MTO1: variants seen among roughly 807,000 people sequenced by gnomAD.
MTO1 encodes the protein mitochondrial tRNA translation optimization 1, also known as 5-taurinomethyluridine-[tRNA] synthase subunit MTO1, mitochondrial.
A neutral mutation model predicts 71.6 loss-of-function variants in MTO1; 46 were observed. That is an observed-to-expected ratio of 0.64 (90% CI 0.51 to 0.82). MTO1 has a LOEUF of 0.82. MTO1 is among the 40% of genes least tolerant of loss of function. The pLI is 0.00. For missense variants in MTO1, 773 were observed against 867.5 expected (o/e 0.89, Z 1.37); for synonymous variants, 297 against 312.1 (o/e 0.95, Z 0.51).
At chr6:73,467,305 C>A (rs60469374) in intron 3 of MTO1, among the ~76,000 whole-genome samples, 1 of 149,810 alleles carries the variant, frequency 6.7e-6, no homozygotes, top group South Asian at 2.1e-4. Flanking sequence ...CAGAGTGAGA[C>A]CCTGTGTCAA....
intron 10 of MTO1, among the ~76,000 whole-genome samples, chr6:73,494,478 T>C (rs923182078): frequency 1.8e-4 from 27 of 146,898 alleles, no homozygotes; most frequent in African/African-American, 6.9e-4. Context: ...TCTTTTTTTT[T>C]CTTTTTTTTT....
chr6:73,465,388 T>A (rs1441183606), intron 1 of MTO1, among the ~76,000 whole-genome samples: 1 of 152,048 alleles, frequency 6.6e-6, no homozygotes, highest in African/African-American at 2.4e-5. Context: ...GGTCTCAAAC[T>A]TCTGAGCTCC....
intron 4 of MTO1, among the ~76,000 whole-genome samples, chr6:73,475,763 C>T (rs1771296487): frequency 1.3e-5 from 2 of 152,004 alleles, no homozygotes; most frequent in African/African-American, 2.4e-5. Context: ...CCGCCCGCCT[C>T]GGCCTCCCAA....
At chr6:73,482,356 C>T in intron 8 of MTO1, 93 bp from the exon 9 acceptor site, 1 of 1,539,304 alleles carries the variant, frequency 6.5e-7, no homozygotes, top group South Asian at 1.2e-5. Flanking sequence ...GAGTTTAGGA[C>T]TAGCCTGGGC....
intron 9 of MTO1, among the ~76,000 whole-genome samples, chr6:73,483,694 C>T (rs909430061): frequency 2.6e-5 from 4 of 151,738 alleles, no homozygotes; most frequent in South Asian, 2.1e-4. Context: ...CTCGGCTCAT[C>T]GCAACCTCCC....
intron 9 of MTO1, among the ~76,000 whole-genome samples, chr6:73,487,094 C>T (rs1376155179): frequency 6.6e-6 from 1 of 152,018 alleles, no homozygotes; most frequent in Non-Finnish European, 1.5e-5. Context: ...TGTTGATGGA[C>T]ACTTGAGTTG....
At chr6:73,462,753 A>T (rs116201235) in intron 1 of MTO1, among the ~76,000 whole-genome samples, 2,142 of 152,250 alleles carry the variant, frequency 0.014, 39 homozygotes, top group African/African-American at 0.048. Context: ...TTAATAAAAT[A>T]AAAAAATCCT....
chr6:73,466,011 T>A (rs1347658854), intron 1 of MTO1, among the ~76,000 whole-genome samples, 198 bp from the exon 2 acceptor site: 1 of 152,050 alleles, frequency 6.6e-6, no homozygotes, highest in Non-Finnish European at 1.5e-5. Context: ...GTTCAGGAAG[T>A]GGTTTGTCAT....
chr6:73,494,715 A>C, intron 10 of MTO1, among the ~76,000 whole-genome samples: 1 of 148,566 alleles, frequency 6.7e-6, no homozygotes, highest in Non-Finnish European at 1.5e-5. Context: ...ACTTCAGGTG[A>C]TCCACCCGCC....
At position 73,500,777 on chromosome 6, in the gene MTO1, T is replaced by C; in HGVS notation, c.*42T>C. The C allele has an allele frequency of 6.8e-7, 1 of 1,476,332 alleles. No homozygotes were observed. Among genetic ancestry groups the C allele is most frequent in the Non-Finnish European group, 9.2e-7 (1 of 1,092,472 alleles). 91.5% of individuals were successfully genotyped at this position (1,476,332 alleles called of 1,614,324 possible). On this transcript the variant is annotated 3_prime_UTR_variant, in exon 12 of 12. Coordinates refer to ENST00000498286, the MANE Select transcript of MTO1 (RefSeq NM_012123.4). ...GATTTTTAAAGAGCATATAAATAAT[T>C]TGATCAATACAACAGTATAGATAAA... is the stretch of plus-strand genomic sequence containing the variant.
At chr6:73,485,643 G>T (rs149262503) in intron 9 of MTO1, among the ~76,000 whole-genome samples, 1 of 152,008 alleles carries the variant, frequency 6.6e-6, no homozygotes, top group East Asian at 1.9e-4. Context: ...GGGTTTCACC[G>T]TGTTAGCCAG....
In MTO1 at chr6:73,462,006, C is replaced by T; in HGVS notation, c.152C>T (p.Ala51Val). 1 of 1,613,610 alleles carries T rather than the reference C, an allele frequency of 6.2e-7. No homozygotes were observed. Among genetic ancestry groups the T allele is most frequent in the Non-Finnish European group, 8.5e-7 (1 of 1,179,900 alleles). The change falls in exon 1 of 12, where the codon GCA becomes GTA. Residue 51 changes from alanine (A) to valine (V), a missense_variant. Transcript: ENST00000498286. Reference protein sequence around the residue: ...VIGGGHAGTEAATAAARCGSR... With the variant: ...VIGGGHAGTEVATAAARCGSR... ...GGTGGAGGACATGCCGGGACTGAGGCAGCCACCGCCGCCGCTCGGTGCGGC... is the reference window on the plus strand; with the variant it reads ...GGTGGAGGACATGCCGGGACTGAGGTAGCCACCGCCGCCGCTCGGTGCGGC...
chr6:73,487,642 G>C (rs778956698), intron 9 of MTO1: 1 of 148,620 alleles, frequency 6.7e-6, no homozygotes, highest in Non-Finnish European at 1.5e-5. Flanking sequence ...GCTTTTCACA[G>C]GCACAGATCC....
In MTO1 at chr6:73,469,795, T is replaced by G. The variant is rs571696742; in HGVS notation, c.535+3189T>G. On this transcript the variant is annotated intron_variant, in intron 3 of 11. Coordinates refer to ENST00000498286, the MANE Select transcript of MTO1 (RefSeq NM_012123.4). ...CCGAGGTGGGTGGATCACCTGAGGT[T>G]GGGAGTTGAAGACCAGCCTGACCAA... 1.3e-3 allele frequency among the ~76,000 whole-genome samples: 199 copies of G among 152,152 alleles called. 1 individual carries two copies. The highest frequency in any genetic ancestry group is 4.5e-3 in the African/African-American group (187 of 41,520).
chr6:73,473,786 A>ATTTT (rs112494055), intron 4 of MTO1, 132 bp downstream of exon 4: 2 of 460,446 alleles, frequency 4.3e-6, no homozygotes, highest in Non-Finnish European at 7.1e-6. Context: ...CAAAGAAATG[A>ATTTT]TTTTTTTTTT....
chr6:73,470,609 C>G (rs1771131697), intron 3 of MTO1, among the ~76,000 whole-genome samples: 1 of 152,060 alleles, frequency 6.6e-6, no homozygotes, highest in African/African-American at 2.4e-5. Flanking sequence ...GGGCCAACAA[C>G]TTAAAGGCTA....
At position 73,473,523 on chromosome 6, in the gene MTO1, G is replaced by T. The variant is rs773474822; in HGVS notation, c.694G>T (p.Val232Leu). 30 of 1,614,056 alleles carry T rather than the reference G, an allele frequency of 1.9e-5. 1 individual carries two copies. The South Asian group carries it at 2.9e-4, about 15-fold the overall frequency. ...AQTLEKLGFV[V>L]GRLKTGTPPR... ...GACACTGGAGAAGTTAGGGTTTGTG[G>T]TGGGAAGGTTGAAGACTGGGACTCC... Residue 232 changes from valine to leucine, a missense_variant, in exon 4 of 12, where the codon GTG becomes TTG. Transcript: ENST00000498286.
At chr6:73,464,214 T>G (rs912864032) in intron 1 of MTO1, 1 of 152,096 alleles carries the variant, frequency 6.6e-6, no homozygotes, top group African/African-American at 2.4e-5. Flanking sequence ...AGGCCAGGGG[T>G]GATTACTCAC....
rs115821817 is a variant in MTO1, at chr6:73,499,992, A to G, written c.1918-582A>G. Among the ~76,000 whole-genome samples, 973 of 152,284 alleles carry G rather than the reference A, an allele frequency of 6.4e-3. 11 individuals carry two copies. The highest frequency in any genetic ancestry group is 0.022 in the African/African-American group (908 of 41,546). On this transcript the variant is annotated intron_variant, in intron 11 of 11. Transcript: ENST00000498286. The stretch of plus-strand genomic sequence containing the variant: ...CTTATTACAAAAACATATGGCTTCA[A>G]GGATTTCATTTCATTTTATTTTTTT...
Sources: gnomAD v4.1 joint callset for allele counts (sites outside exome capture counted in the v4.1 genomes callset) on GRCh38, gnomAD v4.1.1 for gene constraint, MANE v1.5 for transcripts, NCBI Gene and HGNC (gene_info 2026-07-23, HGNC 2026-07-21) for gene names.